CCDC6: variants seen among roughly 807,000 people sequenced by gnomAD.
The protein encoded by CCDC6 is coiled-coil domain-containing protein 6.
CCDC6 carries 20 observed loss-of-function variants against 56.6 expected under a neutral mutation model. That is an observed-to-expected ratio of 0.35 (90% CI 0.25 to 0.51). The LOEUF (loss-of-function observed/expected upper bound fraction) is 0.51, where lower values mean the gene tolerates loss of function less well. Ranked by LOEUF, CCDC6 falls within the 20% of genes least tolerant of loss-of-function variation. The pLI, the probability that CCDC6 is intolerant of heterozygous loss-of-function variation, is 0.95. For missense variants in CCDC6, 367 were observed against 601.1 expected, an observed-to-expected ratio of 0.61 and a Z score of 4.07; for synonymous variants, 241 against 234.4, an observed-to-expected ratio of 1.03 and a Z score of -0.26.
intron 1 of CCDC6, among the ~76,000 whole-genome samples, chr10:59,886,588 TTTACC>T: frequency 6.6e-6 from 1 of 152,176 alleles, no homozygotes; most frequent in Non-Finnish European, 1.5e-5. Flanking sequence ...ACAGAAAGGT[TTTACC>T]ATAAAATGTT....
At chr10:59,825,162 T>A (rs1041207536) in intron 3 of CCDC6, among the ~76,000 whole-genome samples, 3 of 152,222 alleles carry the variant, frequency 2.0e-5, no homozygotes, top group African/African-American at 7.2e-5. Context: ...TGTGTCCCAA[T>A]GCAAATCTCA....
intron 7 of CCDC6, among the ~76,000 whole-genome samples, chr10:59,799,233 C>T: frequency 6.6e-6 from 1 of 151,912 alleles, no homozygotes; most frequent in African/African-American, 2.4e-5. Context: ...GAATTCAAGA[C>T]CAGCCTGGTC....
intron 1 of CCDC6, among the ~76,000 whole-genome samples, chr10:59,884,027 C>T (rs1225223025): frequency 1.3e-5 from 2 of 152,124 alleles, no homozygotes; most frequent in African/African-American, 4.8e-5. Context: ...GCTCCAAAAA[C>T]AGTTTTAAAC....
chr10:59,866,796 T>G (rs1221567167), intron 1 of CCDC6, among the ~76,000 whole-genome samples: 1 of 152,214 alleles, frequency 6.6e-6, no homozygotes, highest in Non-Finnish European at 1.5e-5. Flanking sequence ...ATCCAAAGGC[T>G]GCAGCATCAT....
intron 1 of CCDC6, among the ~76,000 whole-genome samples, chr10:59,867,972 T>C (rs764998825): frequency 2.0e-5 from 3 of 152,220 alleles, no homozygotes; most frequent in African/African-American, 7.2e-5. Context: ...GATTGATGTA[T>C]TATGTTTCCC....
intron 6 of CCDC6, 25 bp from the exon 7 acceptor site, chr10:59,804,545 T>C (rs1383783246): frequency 7.6e-7 from 1 of 1,312,674 alleles, no homozygotes; most frequent in Non-Finnish European, 1.1e-6. Flanking sequence ...GAGGAAACGA[T>C]AAAACCACCT....
chr10:59,853,414 G>A (rs2071055390), intron 1 of CCDC6, among the ~76,000 whole-genome samples: 1 of 152,050 alleles, frequency 6.6e-6, no homozygotes, highest in Admixed American at 6.6e-5. Context: ...CATGCCTGTG[G>A]TTCCAGCTAT....
chr10:59,835,896 A>G (rs1298318084), intron 2 of CCDC6, among the ~76,000 whole-genome samples: 2 of 151,880 alleles, frequency 1.3e-5, no homozygotes, highest in African/African-American at 4.8e-5. Flanking sequence ...TGTCTCTACA[A>G]AAAAAGATTA....
At chr10:59,836,043 G>C (rs914476006) in intron 2 of CCDC6, among the ~76,000 whole-genome samples, 4 of 122,026 alleles carry the variant, frequency 3.3e-5, no homozygotes, top group Non-Finnish European at 4.8e-5. Flanking sequence ...GACAGACTGC[G>C]ACCCTGTCTA....
At chr10:59,817,893 G>A (rs943681604) in intron 3 of CCDC6, among the ~76,000 whole-genome samples, 3 of 152,068 alleles carry the variant, frequency 2.0e-5, no homozygotes, top group South Asian at 4.2e-4. Flanking sequence ...GTCTTCAGTC[G>A]GGGCTAGTTC....
chr10:59,794,685 C>A, intron 7 of CCDC6, 88 bp from the exon 8 acceptor site: 1 of 1,075,242 alleles, frequency 9.3e-7, no homozygotes, highest in South Asian at 1.4e-5. Flanking sequence ...CGCAGTAGTT[C>A]TCTATCACCC....
chr10:59,887,081 G>A (rs2071388082), intron 1 of CCDC6, among the ~76,000 whole-genome samples: 1 of 152,100 alleles, frequency 6.6e-6, no homozygotes, highest in African/African-American at 2.4e-5. Flanking sequence ...TAGGGCAATC[G>A]ACACAACAAT....
At chr10:59,808,065 G>A (rs1366726861) in intron 5 of CCDC6, among the ~76,000 whole-genome samples, 1 of 152,180 alleles carries the variant, frequency 6.6e-6, no homozygotes, top group African/African-American at 2.4e-5. Flanking sequence ...GGCAGGTGAA[G>A]TCCTGTATAT....
intron 7 of CCDC6, among the ~76,000 whole-genome samples, chr10:59,803,029 T>C (rs995733637): frequency 2.0e-5 from 3 of 152,196 alleles, no homozygotes; most frequent in Non-Finnish European, 2.9e-5. Context: ...AAAAAAGACC[T>C]TTATCATGGT....
At position 59,822,963 on chromosome 10, in the gene CCDC6, G is replaced by A. The variant is rs532759134; in HGVS notation, c.583-8208C>T. 5.3e-5 allele frequency among the ~76,000 whole-genome samples: 8 copies of A among 151,932 alleles called. No individual in the cohort carries two copies. In the South Asian group the frequency reaches 8.3e-4, roughly 16 times the overall value. The stretch of plus-strand genomic sequence containing the variant: ...CTACAGCTGGAGGTTGGAGAGAAGC[G>A]GTTTGACTTCGGAGGGACAGCTTGC... On this transcript the variant is annotated intron_variant, in intron 3 of 8. Transcript: ENST00000263102.
intron 1 of CCDC6, among the ~76,000 whole-genome samples, chr10:59,871,246 C>T (rs1463370749): frequency 6.6e-6 from 1 of 151,956 alleles, no homozygotes; most frequent in Non-Finnish European, 1.5e-5. Context: ...GAAATGTTAA[C>T]AGTGCCTCTG....
At chr10:59,829,667 C>T (rs934390882) in intron 3 of CCDC6, among the ~76,000 whole-genome samples, 4 of 152,128 alleles carry the variant, frequency 2.6e-5, no homozygotes, top group Non-Finnish European at 2.9e-5. Context: ...CAAAAGACCA[C>T]ATATTATGAT....
chr10:59,795,086 A>C (rs928090543), intron 7 of CCDC6, among the ~76,000 whole-genome samples: 32 of 152,234 alleles, frequency 2.1e-4, no homozygotes, highest in African/African-American at 6.7e-4. Context: ...AGGCAACAAA[A>C]AAAAAAAGCA....
At chr10:59,879,660 T>A (rs973066087) in intron 1 of CCDC6, among the ~76,000 whole-genome samples, 1 of 152,188 alleles carries the variant, frequency 6.6e-6, no homozygotes, top group African/African-American at 2.4e-5. Context: ...TAATCTGCCT[T>A]CCCTAAAGGT....
Sources: gnomAD v4.1 joint callset for allele counts (sites outside exome capture counted in the v4.1 genomes callset) on GRCh38, gnomAD v4.1.1 for gene constraint, MANE v1.5 for transcripts, NCBI Gene and HGNC (gene_info 2026-07-23, HGNC 2026-07-21) for gene names.